NCF2: variants seen among roughly 807,000 people sequenced by gnomAD.
NCF2 encodes neutrophil cytosol factor 2.
In NCF2, 45 loss-of-function variants were observed where a neutral mutation model predicts 70.9. The ratio of observed to expected loss-of-function variants is 0.63; its 90% CI spans 0.50 to 0.81. The LOEUF (loss-of-function observed/expected upper bound fraction) is 0.81, where lower values mean the gene tolerates loss of function less well. Among genes scored for constraint, NCF2 ranks in the 40% least tolerant of loss-of-function variants. The probability of loss-of-function intolerance (pLI) is 0.00; values close to 1 mark genes in which losing one functional copy is unlikely to be tolerated. For synonymous variants in NCF2, 203 were observed against 233.6 expected (o/e 0.87, Z 1.19); for missense variants, 522 against 631.6 (o/e 0.83, Z 1.86).
chr1:183,586,894 C>T lies in NCF2; in HGVS notation c.257+1G>A, dbSNP rs990043411. 3.1e-6 allele frequency: 5 copies of T among 1,613,602 alleles called. No homozygotes were observed. Among genetic ancestry groups the T allele is most frequent in the Non-Finnish European group, 4.2e-6 (5 of 1,179,530 alleles). ...AGTTGGTGCAACATTGAACCACTTACTTCTCTGTCTGGTAGTAGAGCATCC... is the reference window on the plus strand; with the variant it reads ...AGTTGGTGCAACATTGAACCACTTATTTCTCTGTCTGGTAGTAGAGCATCC... On this transcript the variant is annotated splice_donor_variant, in intron 2 of 14. Coordinates refer to ENST00000367535, the MANE Select transcript of NCF2 (RefSeq NM_000433.4). LOFTEE classifies it high-confidence loss of function.
chr1:183,560,422 T>C (rs942030347), intron 13 of NCF2, 149 bp from the exon 14 acceptor site: 72 of 894,742 alleles, frequency 8.0e-5, no homozygotes, highest in Non-Finnish European at 1.2e-4. Context: ...GCTTATATGC[T>C]CTTTATGAAT....
Position 183,586,929 on chromosome 1 carries a change from A to G in NCF2, c.223T>C (p.Phe75Leu). ...TGGTAGTAGAGCATCCCTCGTTGGA[A>G]GTAAGCCACTGCCAAGTGCTTGTCT... is the stretch of plus-strand genomic sequence containing the variant. ...NRDKHLAVAY[F>L]QRGMLYYQTE... The change falls in exon 2 of 15, where the codon TTC (phenylalanine) becomes CTC (leucine). Residue 75 changes from phenylalanine (F) to leucine (L), a missense_variant. By Grantham distance (22) the Phe-to-Leu change is conservative. Coordinates refer to ENST00000367535, the MANE Select transcript of NCF2 (RefSeq NM_000433.4). 6.2e-7 allele frequency: 1 copy of G among 1,614,122 alleles called. No homozygotes were observed. The highest frequency in any genetic ancestry group is 2.2e-5 in the East Asian group (1 of 44,888).
chr1:183,593,608 C>A (rs562021183), upstream of NCF2, among the ~76,000 whole-genome samples: 13 of 152,342 alleles, frequency 8.5e-5, no homozygotes, highest in East Asian at 2.3e-3. Context: ...TCCTACTCAT[C>A]TTTCACTTCC....
At chr1:183,587,042 C>T (rs543861011) in intron 1 of NCF2, 65 bp from the exon 2 acceptor site, 24 of 1,453,696 alleles carry the variant, frequency 1.7e-5, no homozygotes, top group South Asian at 9.1e-5. Flanking sequence ...AGATGAGCCA[C>T]GGCTCACAGA....
chr1:183,591,947 G>C (rs988970807), upstream of NCF2, among the ~76,000 whole-genome samples: 1 of 152,148 alleles, frequency 6.6e-6, no homozygotes, highest in African/African-American at 2.4e-5. Flanking sequence ...GGATTTACTA[G>C]TCTCTGAAAA....
At chr1:183,597,113 T>C in the NCF2 span, among the ~76,000 whole-genome samples, 4 of 152,252 alleles carry the variant, frequency 2.6e-5, no homozygotes, top group African/African-American at 7.2e-5. Context: ...TGATGTGGCA[T>C]GATTCTAGTC....
At chr1:183,593,375 GT>G (rs1449116703), upstream of NCF2, among the ~76,000 whole-genome samples, 1 of 136,340 alleles carries the variant, frequency 7.3e-6, no homozygotes, top group Non-Finnish European at 1.5e-5. Context: ...CATGGCCCCT[GT>G]TTTTAAACCT....
the NCF2 span, among the ~76,000 whole-genome samples, chr1:183,599,482 C>CT: frequency 1.9e-4 from 14 of 72,944 alleles, no homozygotes; most frequent in Admixed American, 4.0e-4. Flanking sequence ...TTCTTTCTTT[C>CT]TCTTTTCTTT....
At chr1:183,583,179 A>C (rs932117821) in intron 2 of NCF2, among the ~76,000 whole-genome samples, 5 of 152,072 alleles carry the variant, frequency 3.3e-5, no homozygotes, top group Non-Finnish European at 7.4e-5. Flanking sequence ...CAGCGTCCCA[A>C]GTAGCTGGGA....
intron 14 of NCF2, 93 bp downstream of exon 14, chr1:183,560,003 G>T: frequency 7.1e-7 from 1 of 1,400,664 alleles, no homozygotes; most frequent in Non-Finnish European, 1.0e-6. Flanking sequence ...CTAAAGTTTT[G>T]TTTGTAGATT....
chr1:183,593,560 CCCATGTAACA>C (rs1165131469), upstream of NCF2, among the ~76,000 whole-genome samples: 1 of 152,150 alleles, frequency 6.6e-6, no homozygotes, highest in Non-Finnish European at 1.5e-5. Flanking sequence ...TCTTCCTCCG[CCCATGTAACA>C]CTCTTCCCCC....
In NCF2 at chr1:183,574,511, G is replaced by A. The variant is rs369845453; in HGVS notation, c.477C>T (p.Ile159=). 1.5e-5 allele frequency: 24 copies of A among 1,614,068 alleles called. 1 individual carries two copies. The highest frequency in any genetic ancestry group is 8.8e-5 in the South Asian group (8 of 91,092). The change falls in exon 4 of 15, where the codon ATC becomes ATT. Residue 159 remains isoleucine (I), a synonymous_variant. Transcript: ENST00000367535. Reference sequence around the variant, plus strand: ...CCCAGACACACTCCATCGCCTTGTCGATTTTGGAATGTCTGGGCTCAGACT... The same window carrying A: ...CCCAGACACACTCCATCGCCTTGTCAATTTTGGAATGTCTGGGCTCAGACT... The part of the protein sequence containing the change: ...SMKSEPRHSK[I]DKAMECVWKQ...
At chr1:183,599,436 TTCTTTCTTTC>T in the NCF2 span, among the ~76,000 whole-genome samples, 4 of 95,032 alleles carry the variant, frequency 4.2e-5, no homozygotes, top group Non-Finnish European at 9.4e-5. Context: ...CTTTCTTTCT[TTCTTTCTTTC>T]TTTCTTTCTT....
chr1:183,560,288 G>A lies in NCF2; in HGVS notation c.1291-15C>T. 2 of 1,614,024 alleles carry A rather than the reference G, an allele frequency of 1.2e-6. No homozygotes were observed. Among genetic ancestry groups the A allele is most frequent in the Non-Finnish European group, 1.7e-6 (2 of 1,179,962 alleles). ...CCTTGGTCACCCTGAAATAATAAAGGGCCTGTTAATTTTCCCAATTTCCTG... is the reference window on the plus strand; with the variant it reads ...CCTTGGTCACCCTGAAATAATAAAGAGCCTGTTAATTTTCCCAATTTCCTG... On this transcript the variant is annotated splice_polypyrimidine_tract_variant and intron_variant, in intron 13 of 14. Transcript: ENST00000367535.
chr1:183,562,803 G>A (rs12405210), intron 13 of NCF2, among the ~76,000 whole-genome samples: 23,530 of 147,804 alleles, frequency 0.16, 2,165 homozygotes, highest in African/African-American at 0.27. Flanking sequence ...CAGCTTGGGC[G>A]ACAGAGTGAG....
upstream of NCF2, among the ~76,000 whole-genome samples, chr1:183,593,051 G>A (rs894095560): frequency 2.0e-4 from 30 of 151,996 alleles, no homozygotes; most frequent in Non-Finnish European, 3.7e-4. Flanking sequence ...CCATGATCTC[G>A]CCTTCTGAAC....
chr1:183,558,298 C>T (rs1358244848), intron 14 of NCF2, among the ~76,000 whole-genome samples: 1 of 151,126 alleles, frequency 6.6e-6, no homozygotes, highest in Non-Finnish European at 1.5e-5. Context: ...GACTGAGTCT[C>T]ACTCTGTAAC....
At chr1:183,571,375 C>A (rs1385553239) in intron 5 of NCF2, among the ~76,000 whole-genome samples, 1 of 152,112 alleles carries the variant, frequency 6.6e-6, no homozygotes, top group East Asian at 1.9e-4. Context: ...ATCCAGCCTC[C>A]CAAAGTGCTG....
chr1:183,568,652 C>T (rs928659362), intron 7 of NCF2, among the ~76,000 whole-genome samples: 16 of 150,590 alleles, frequency 1.1e-4, no homozygotes, highest in African/African-American at 3.9e-4. Context: ...GAGTGGAAAA[C>T]ATCCACACAG....
Sources: gnomAD v4.1 joint callset for allele counts (sites outside exome capture counted in the v4.1 genomes callset) on GRCh38, gnomAD v4.1.1 for gene constraint, MANE v1.5 for transcripts, NCBI Gene and HGNC (gene_info 2026-07-23, HGNC 2026-07-21) for gene names.